Variants in PAX5 observed in about 807,000 individuals in gnomAD.
The protein encoded by PAX5 is paired box 5, also known as paired box protein Pax-5.
Under a neutral mutation model 43.7 loss-of-function variants are expected in PAX5, and 9 were observed. That is an observed-to-expected ratio of 0.21 (90% CI 0.12 to 0.36). The LOEUF (loss-of-function observed/expected upper bound fraction) is 0.36. Among genes scored for constraint, PAX5 ranks in the 10% least tolerant of loss-of-function variants. The pLI, the probability that PAX5 is intolerant of heterozygous loss-of-function variation, is 1.00. For synonymous variants in PAX5, 228 were observed against 214.3 expected (o/e 1.06, Z -0.56); for missense variants, 383 against 532.7 (o/e 0.72, Z 2.77).
intron 6 of PAX5, 42 bp from the exon 7 acceptor site, chr9:36,923,526 A>G (rs183609728): frequency 6.3e-7 from 1 of 1,578,102 alleles, no homozygotes; most frequent in East Asian, 2.3e-5. Context: ...AAGACTCCAC[A>G]GTACCTTAGT....
At position 36,896,896 on chromosome 9, in the gene PAX5, G is replaced by A. The variant is rs546227836; in HGVS notation, c.911-14791C>T. On this transcript the variant is annotated intron_variant, in intron 7 of 9. Transcript: ENST00000358127. Reference sequence around the variant, plus strand: ...CAGGCCTGGGTTCAATTTGTCCATAGATGGGGAAATTGAGGCTCCAAGAGG... The same window carrying A: ...CAGGCCTGGGTTCAATTTGTCCATAAATGGGGAAATTGAGGCTCCAAGAGG... 9.8e-5 allele frequency among the ~76,000 whole-genome samples: 15 copies of A among 152,340 alleles called. No homozygotes were observed. In the South Asian group the frequency reaches 2.9e-3, roughly 29 times the overall value.
At chr9:36,881,886 T>G in intron 8 of PAX5, 118 bp downstream of exon 8, 5 of 779,662 alleles carry the variant, frequency 6.4e-6, no homozygotes, top group South Asian at 1.5e-5. Context: ...CTCTGCCTGA[T>G]TTATTCAGGT....
chr9:36,963,594 T>C (rs1834152994), intron 6 of PAX5, among the ~76,000 whole-genome samples: 1 of 152,184 alleles, frequency 6.6e-6, no homozygotes, highest in Non-Finnish European at 1.5e-5. Flanking sequence ...GGGAAGAAGT[T>C]AGAGGAGTGG....
At chr9:36,884,135 T>G (rs923539080) in intron 7 of PAX5, among the ~76,000 whole-genome samples, 5 of 152,210 alleles carry the variant, frequency 3.3e-5, no homozygotes, top group Admixed American at 3.3e-4. Context: ...ACTAAGGAAA[T>G]CTTCCCAATT....
intron 1 of PAX5, among the ~76,000 whole-genome samples, chr9:37,027,879 G>A (rs1840582476): frequency 6.6e-6 from 1 of 152,264 alleles, no homozygotes; most frequent in South Asian, 2.1e-4. Context: ...GGCAATGGGA[G>A]AGAATGGGGG....
intron 6 of PAX5, among the ~76,000 whole-genome samples, chr9:36,934,640 C>T (rs1831395881): frequency 6.6e-6 from 1 of 152,182 alleles, no homozygotes; most frequent in Admixed American, 6.5e-5. Context: ...GGGGGAAGTA[C>T]TACAAAGGAT....
chr9:37,015,131 T>G lies in PAX5; in HGVS notation c.276A>C (p.Thr92=). 1 of 1,614,202 alleles carries G rather than the reference T, an allele frequency of 6.2e-7. No individual in the cohort carries two copies. Among genetic ancestry groups the G allele is most frequent in the Non-Finnish European group, 8.5e-7 (1 of 1,180,034 alleles). ...VIGGSKPKVA[T]PKVVEKIAEY... is the part of the protein sequence containing the mutation. Reference sequence around the variant, plus strand: ...CAGCGATTTTTTCCACCACTTTGGGTGTGGCGACCTTTGGTTTGGATCCTC... The same window carrying G: ...CAGCGATTTTTTCCACCACTTTGGGGGTGGCGACCTTTGGTTTGGATCCTC... The change falls in exon 3 of 10, where the codon ACA becomes ACC. Residue 92 remains threonine, a synonymous_variant. Coordinates refer to ENST00000358127, the MANE Select transcript of PAX5 (RefSeq NM_016734.3). This position sits in a 1 kb window ranked among gnomAD's most constrained non-coding sequence, Gnocchi z 4.4.
chr9:36,984,701 C>G (rs762224102), intron 5 of PAX5, among the ~76,000 whole-genome samples: 7 of 152,000 alleles, frequency 4.6e-5, no homozygotes, highest in Non-Finnish European at 1.0e-4. Flanking sequence ...GGTGATCTGC[C>G]CACCTCAGCC....
Position 36,859,579 on chromosome 9 carries a change from C to T in PAX5, c.1013-12650G>A, listed in dbSNP as rs960172779. 3.3e-5 allele frequency among the ~76,000 whole-genome samples: 5 copies of T among 152,162 alleles called. No individual in the cohort carries two copies. In the East Asian group the frequency reaches 9.6e-4, roughly 29 times the overall value. On this transcript the variant is annotated intron_variant, in intron 8 of 9. Transcript: ENST00000358127. ...CAAGGCTGACTGAGAGTGGGATGTG[C>T]CCCCTCCTCCCTCCCCGGCTCCTCA...
chr9:36,931,268 G>A (rs949176459), intron 6 of PAX5, among the ~76,000 whole-genome samples: 6 of 152,236 alleles, frequency 3.9e-5, no homozygotes, highest in African/African-American at 1.4e-4. Context: ...CTGAGGCTGA[G>A]CAGGCAAAGG....
At chr9:37,002,499 C>G in intron 5 of PAX5, 149 bp downstream of exon 5, 8 of 806,694 alleles carry the variant, frequency 9.9e-6, no homozygotes, top group African/African-American at 1.7e-5. Flanking sequence ...TTCCCGTGTT[C>G]ACGAAAAGGA....
chr9:36,887,895 T>C (rs755300930), intron 7 of PAX5, among the ~76,000 whole-genome samples: 7 of 151,866 alleles, frequency 4.6e-5, no homozygotes, highest in Non-Finnish European at 8.8e-5. Flanking sequence ...AGGACTTGTA[T>C]CTAGAATATA....
At chr9:36,900,163 T>G (rs1292306731) in intron 7 of PAX5, among the ~76,000 whole-genome samples, 1 of 152,248 alleles carries the variant, frequency 6.6e-6, no homozygotes, top group African/African-American at 2.4e-5. Flanking sequence ...GAGGCCAAAG[T>G]CAGAGACGTG....
intron 8 of PAX5, among the ~76,000 whole-genome samples, chr9:36,847,159 C>G (rs919559307): frequency 2.0e-5 from 3 of 152,218 alleles, no homozygotes; most frequent in Non-Finnish European, 1.5e-5. Flanking sequence ...ATGGCAGACT[C>G]TCACATGTGT....
intron 8 of PAX5, among the ~76,000 whole-genome samples, chr9:36,878,066 G>A (rs776321391): frequency 6.6e-6 from 1 of 152,174 alleles, no homozygotes; most frequent in African/African-American, 2.4e-5. Flanking sequence ...GAAGGAAACA[G>A]ATCTTTCCCC....
intron 3 of PAX5, among the ~76,000 whole-genome samples, chr9:37,012,244 G>T (rs1389008277): frequency 3.3e-5 from 5 of 152,192 alleles, no homozygotes; most frequent in Non-Finnish European, 7.3e-5. Flanking sequence ...TCATCTCACA[G>T]ATCCTCAGTT....
chr9:36,885,339 G>A (rs1324972924), intron 7 of PAX5, among the ~76,000 whole-genome samples: 1 of 152,110 alleles, frequency 6.6e-6, no homozygotes, highest in Admixed American at 6.5e-5. Context: ...GTCTGCCCAG[G>A]CTCACACCCT....
At chr9:36,947,325 A>C (rs1402120955) in intron 6 of PAX5, among the ~76,000 whole-genome samples, 1 of 152,152 alleles carries the variant, frequency 6.6e-6, no homozygotes, top group Non-Finnish European at 1.5e-5. Context: ...GCAATGTAAA[A>C]ATTTTAAACC....
At chr9:36,892,884 T>C (rs936584325) in intron 7 of PAX5, among the ~76,000 whole-genome samples, 7 of 152,204 alleles carry the variant, frequency 4.6e-5, no homozygotes, top group African/African-American at 1.7e-4. Flanking sequence ...CTGTGTACAG[T>C]ATAATTCCAT....
Sources: gnomAD v4.1 joint callset for allele counts (sites outside exome capture counted in the v4.1 genomes callset) on GRCh38, gnomAD v4.1.1 for gene constraint, Gnocchi (gnomAD v3.1) non-coding constraint, MANE v1.5 for transcripts, NCBI Gene and HGNC (gene_info 2026-07-23, HGNC 2026-07-21) for gene names.